The following ECM1 variants were observed in gnomAD, a reference collection of about 807,000 sequenced individuals.
ECM1 encodes secretory component p85.
In ECM1, 54 loss-of-function variants were observed where a neutral mutation model predicts 57.9. That is an observed-to-expected ratio of 0.93 (90% CI 0.75 to 1.17). The LOEUF (loss-of-function observed/expected upper bound fraction) is 1.17. Ranked by LOEUF, ECM1 falls within the 50% of genes most tolerant of loss-of-function variation. The probability of loss-of-function intolerance (pLI) is 0.00; values close to 1 mark genes in which losing one functional copy is unlikely to be tolerated. For missense variants in ECM1, 649 were observed against 688.1 expected (o/e 0.94, Z 0.64); for synonymous variants, 237 against 259.1 (o/e 0.91, Z 0.82).
rs1266425196 is a variant in ECM1, at chr1:150,511,162, CA to C, written c.673del (p.Ser225AlafsTer6). 2 of 1,614,238 alleles carry C rather than the reference CA, an allele frequency of 1.2e-6. No individual in the cohort carries two copies. The highest frequency in any genetic ancestry group is 1.7e-6 in the Non-Finnish European group (2 of 1,180,042). On this transcript the variant is annotated frameshift_variant, in exon 6 of 10. Coordinates refer to ENST00000369047, the MANE Select transcript of ECM1 (RefSeq NM_004425.4). LOFTEE classifies it high-confidence loss of function. ...IGYSRCCHCR[S>X]HTNRLECAKL... ...GATATTCCCGCTGCTGCCACTGCCGCAGCCACACAAACCGCCTAGAGTGTGC... is the reference window on the plus strand; with the variant it reads ...GATATTCCCGCTGCTGCCACTGCCGCGCCACACAAACCGCCTAGAGTGTGC...
At position 150,511,801 on chromosome 1, in the gene ECM1, G is replaced by T. The variant is rs766203104; in HGVS notation, c.1053G>T (p.Gln351His). 6.2e-7 allele frequency: 1 copy of T among 1,612,514 alleles called. No individual in the cohort carries two copies. Among genetic ancestry groups the T allele is most frequent in the Non-Finnish European group, 8.5e-7 (1 of 1,178,938 alleles). The part of the protein sequence containing the change: ...LEREFQRCCR[Q>H]GNNHTCTWKA... ...GGGAGTTCCAGCGCTGCTGCCGCCA[G>T]GGGAACAATCACACCTGTACATGGA... Residue 351 changes from glutamine (Q) to histidine (H), a missense_variant, in exon 7 of 10, where the codon CAG becomes CAT. By Grantham distance (24) the Gln-to-His change is conservative. Coordinates refer to ENST00000369047, the MANE Select transcript of ECM1 (RefSeq NM_004425.4).
At position 150,511,024 on chromosome 1, in the gene ECM1, C is replaced by G. The variant is rs1385832108; in HGVS notation, c.534C>G (p.Asn178Lys). The part of the protein sequence containing the change: ...PPGRPSPDNL[N>K]QICLPNRQHV... ...GGCGGCCTTCTCCAGACAATCTGAA[C>G]CAAATCTGCCTTCCTAACCGTCAGC... The change falls in exon 6 of 10, where the codon AAC becomes AAG. Residue 178 changes from asparagine to lysine, a missense_variant. Physicochemically the swap from Asn to Lys is moderately conservative, Grantham distance 94 (BLOSUM62 0). Transcript: ENST00000369047. The G allele has an allele frequency of 6.2e-7, 1 of 1,614,188 alleles. No individual in the cohort carries two copies.
In ECM1 at chr1:150,510,530, A is replaced by T. The variant is rs143187187; in HGVS notation, c.386-346A>T. 229 of 545,856 alleles carry T rather than the reference A, an allele frequency of 4.2e-4. 2 individuals carry two copies. In the East Asian group the frequency reaches 7.3e-3, roughly 17 times the overall value. 33.8% of individuals were successfully genotyped at this position (545,856 alleles called of 1,614,324 possible). ...CCAGTAGACCCACCTCTTCCATATC[A>T]GGAGGAGATAATCATCCATTCCATG... On this transcript the variant is annotated intron_variant, in intron 5 of 9. Coordinates refer to ENST00000369047, the MANE Select transcript of ECM1 (RefSeq NM_004425.4).
Position 150,511,483 on chromosome 1 carries a change from T to C in ECM1, c.735T>C (p.Cys245=). ...GGGAGGAAGCAATGAGCCGATTCTG[T>C]GAGGCCGAGTTCTCGGTCAAGACCC... ...LVWEEAMSRF[C]EAEFSVKTRP... The change falls in exon 7 of 10, where the codon TGT becomes TGC. Residue 245 remains cysteine, a synonymous_variant. Coordinates refer to ENST00000369047, the MANE Select transcript of ECM1 (RefSeq NM_004425.4). 6.2e-7 allele frequency: 1 copy of C among 1,614,122 alleles called. No homozygotes were observed. The highest frequency in any genetic ancestry group is 8.5e-7 in the Non-Finnish European group (1 of 1,179,998).
chr1:150,508,979 C>T (rs1670353753), intron 1 of ECM1, among the ~76,000 whole-genome samples: 1 of 152,118 alleles, frequency 6.6e-6, no homozygotes, highest in Non-Finnish European at 1.5e-5. Flanking sequence ...GTCCCAGTCC[C>T]CCAGGCCCTA....
chr1:150,510,356 T>C, intron 5 of ECM1, 174 bp downstream of exon 5: 1 of 663,782 alleles, frequency 1.5e-6, no homozygotes, highest in Non-Finnish European at 2.7e-6. Context: ...AGGATATACC[T>C]GTTTTAGAAA....
intron 7 of ECM1, 67 bp downstream of exon 7, chr1:150,511,898 T>C: frequency 6.5e-7 from 1 of 1,534,072 alleles, no homozygotes; most frequent in Non-Finnish European, 8.7e-7. Context: ...CCTCTGATCC[T>C]GCCAGTCCAT....
intron 5 of ECM1, chr1:150,510,488 T>C (rs1670407327): frequency 3.6e-6 from 2 of 562,420 alleles, no homozygotes; most frequent in Admixed American, 3.1e-5. Flanking sequence ...AACATGGCTT[T>C]TGCTTACTCC....
intron 5 of ECM1, 181 bp downstream of exon 5, chr1:150,510,363 G>T (rs1670404874): frequency 1.5e-6 from 1 of 651,068 alleles, no homozygotes; most frequent in East Asian, 2.7e-5. Flanking sequence ...ACCTGTTTTA[G>T]AAAGTTATGT....
In ECM1 at chr1:150,511,731, C is replaced by CT; in HGVS notation, c.984dup (p.Asp329Ter). The CT allele has an allele frequency of 6.2e-7, 1 of 1,614,108 alleles. No homozygotes were observed. Among genetic ancestry groups the CT allele is most frequent in the Non-Finnish European group, 8.5e-7 (1 of 1,180,000 alleles). ...TCTGTGCCACGCAACCTGCCAGCTACTGACCCCCTACAAAGGGAGCTGCTG... is the reference window on the plus strand; with the variant it reads ...TCTGTGCCACGCAACCTGCCAGCTACTTGACCCCCTACAAAGGGAGCTGCTG... On this transcript the variant is annotated frameshift_variant, in exon 7 of 10. Transcript: ENST00000369047. LOFTEE classifies it high-confidence loss of function.
In ECM1 at chr1:150,511,590, T is replaced by C; in HGVS notation, c.842T>C (p.Leu281Pro). The C allele has an allele frequency of 1.2e-6, 2 of 1,614,096 alleles. No homozygotes were observed. Among genetic ancestry groups the C allele is most frequent in the Non-Finnish European group, 1.7e-6 (2 of 1,179,998 alleles). ...QEEAPQPHYQ[L>P]RACPSHQPDI... ...GAAGCTCCCCAGCCACACTACCAGC[T>C]CCGGGCCTGCCCCAGCCATCAGCCT... Residue 281 changes from leucine (L) to proline (P), a missense_variant, in exon 7 of 10, where the codon CTC (leucine) becomes CCC (proline). By Grantham distance (98) the Leu-to-Pro change is moderately conservative. Coordinates refer to ENST00000369047, the MANE Select transcript of ECM1 (RefSeq NM_004425.4).
At position 150,511,744 on chromosome 1, in the gene ECM1, A is replaced by G; in HGVS notation, c.996A>G (p.Gln332=). ...PRNLPATDPL[Q]RELLALIQLE... The stretch of plus-strand genomic sequence containing the variant: ...ACCTGCCAGCTACTGACCCCCTACA[A>G]AGGGAGCTGCTGGCACTGATCCAGC... The change falls in exon 7 of 10, where the codon CAA becomes CAG. Residue 332 remains glutamine (Q), a synonymous_variant. Coordinates refer to ENST00000369047, the MANE Select transcript of ECM1 (RefSeq NM_004425.4). 1.2e-6 allele frequency: 2 copies of G among 1,613,890 alleles called. No homozygotes were observed. The highest frequency in any genetic ancestry group is 2.2e-5 in the East Asian group (1 of 44,840).
In ECM1 at chr1:150,513,342, A is replaced by C; in HGVS notation, c.1498A>C (p.Asn500His). Reference sequence around the variant, plus strand: ...TGGGGATGAACAGGTCAACTGCTTCAACATCAATTATCTGAGGAACGTGGC... The same window carrying C: ...TGGGGATGAACAGGTCAACTGCTTCCACATCAATTATCTGAGGAACGTGGC... ...SPGDEQVNCF[N>H]INYLRNVALV... The change falls in exon 10 of 10, where the codon AAC becomes CAC. Residue 500 changes from asparagine (N) to histidine (H), a missense_variant. By Grantham distance (68) the Asn-to-His change is moderately conservative (BLOSUM62 1). Coordinates refer to ENST00000369047, the MANE Select transcript of ECM1 (RefSeq NM_004425.4). 1 of 1,614,234 alleles carries C rather than the reference A, an allele frequency of 6.2e-7. No individual in the cohort carries two copies. Among genetic ancestry groups the C allele is most frequent in the Non-Finnish European group, 8.5e-7 (1 of 1,180,046 alleles).
Position 150,512,476 on chromosome 1 carries a change from C to G in ECM1, c.1208C>G (p.Pro403Arg), listed in dbSNP as rs748210541. 8 of 1,613,754 alleles carry G rather than the reference C, an allele frequency of 5.0e-6. No individual in the cohort carries two copies. The East Asian group carries it at 1.6e-4, about 31-fold the overall frequency. Residue 403 changes from proline to arginine, a missense_variant, in exon 8 of 10, where the codon CCC (proline) becomes CGC (arginine). By Grantham distance (103) the Pro-to-Arg change is moderately radical. Coordinates refer to ENST00000369047, the MANE Select transcript of ECM1 (RefSeq NM_004425.4). Reference sequence around the variant, plus strand: ...TGCTTTGCCCGTCGGGCTCCTTACCCCAACTATGACCGGGACATCTTGACC... The same window carrying G: ...TGCTTTGCCCGTCGGGCTCCTTACCGCAACTATGACCGGGACATCTTGACC... ...DECFARRAPY[P>R]NYDRDILTID... is the part of the protein sequence containing the mutation.
In ECM1 at chr1:150,508,208, G is replaced by T; in HGVS notation, c.-2G>T. The T allele has an allele frequency of 6.2e-7, 1 of 1,614,146 alleles. No homozygotes were observed. The highest frequency in any genetic ancestry group is 8.5e-7 in the Non-Finnish European group (1 of 1,180,040). On this transcript the variant is annotated 5_prime_UTR_variant, in exon 1 of 10. The change creates a new upstream start codon in the 5' untranslated region. Transcript: ENST00000369047. ...GAGTGTCCAGTGGTCAGTTGCCCCA[G>T]GATGGGGACCACAGCCAGAGCAGCC...
chr1:150,510,029 C>T, intron 4 of ECM1, 27 bp downstream of exon 4: 2 of 1,614,150 alleles, frequency 1.2e-6, no homozygotes, highest in Admixed American at 1.7e-5. Flanking sequence ...CCTCCCTCAC[C>T]TCTATCCCAC....
Position 150,509,781 on chromosome 1 carries a change from G to A in ECM1, c.223+19G>A. 1 of 1,613,272 alleles carries A rather than the reference G, an allele frequency of 6.2e-7. No individual in the cohort carries two copies. The highest frequency in any genetic ancestry group is 8.5e-7 in the Non-Finnish European group (1 of 1,179,628). On this transcript the variant is annotated intron_variant, in intron 3 of 9. Transcript: ENST00000369047. ...AGTCAAGGTAAGGTCACCATCCCAT[G>A]CCCTCCTCAGTGACCCTCCAGGTTT...
At chr1:150,513,107 G>A in intron 9 of ECM1, 130 bp from the exon 10 acceptor site, 1 of 983,240 alleles carries the variant, frequency 1.0e-6, no homozygotes, top group South Asian at 1.4e-5. Flanking sequence ...CTCTCTCTGG[G>A]CCCCAGGAGG....
rs373132601 is a variant in ECM1 at position 150,512,567 on chromosome 1, C to T, written c.1299C>T (p.Thr433=). 14 of 1,612,898 alleles carry T rather than the reference C, an allele frequency of 8.7e-6. No homozygotes were observed. The African/African-American group carries it at 1.2e-4, about 14-fold the overall frequency. ...TCTGTGGAAACCAAAGAGTTCTCAC[C>T]AAGCAGTAAGTTGCCTAGTCCTTCC... is the stretch of plus-strand genomic sequence containing the variant. ...GHLCGNQRVL[T]KHKHIPGLIH... The change falls in exon 8 of 10, where the codon ACC becomes ACT. Residue 433 remains threonine, a synonymous_variant. Transcript: ENST00000369047.
Sources: gnomAD v4.1 joint callset for allele counts (sites outside exome capture counted in the v4.1 genomes callset) on GRCh38, gnomAD v4.1.1 for gene constraint, MANE v1.5 for transcripts, NCBI Gene and HGNC (gene_info 2026-07-23, HGNC 2026-07-21) for gene names.